The following HPCAL1 variants were observed in gnomAD, a reference collection of about 807,000 sequenced individuals.
The protein encoded by HPCAL1 is hippocalcin like 1, also known as hippocalcin-like protein 1.
Under a neutral mutation model 17.1 loss-of-function variants are expected in HPCAL1, and 8 were observed. That is an observed-to-expected ratio of 0.47 (90% CI 0.27 to 0.84). HPCAL1 has a LOEUF of 0.84. HPCAL1 is among the 40% of genes least tolerant of loss of function. The probability of loss-of-function intolerance (pLI) is 0.13; values close to 1 mark genes in which losing one functional copy is unlikely to be tolerated. For missense variants in HPCAL1, 165 were observed against 271.1 expected (o/e 0.61, Z 2.75); for synonymous variants, 112 against 111.4 (o/e 1.01, Z -0.03).
intron 1 of HPCAL1, among the ~76,000 whole-genome samples, chr2:10,366,383 C>T (rs1490469441): frequency 1.3e-5 from 2 of 152,022 alleles, no homozygotes; most frequent in Non-Finnish European, 2.9e-5. Context: ...CTACAGGCAC[C>T]CGCCACCACA....
chr2:10,337,588 C>T (rs987838184), intron 1 of HPCAL1, among the ~76,000 whole-genome samples: 5 of 152,176 alleles, frequency 3.3e-5, no homozygotes, highest in African/African-American at 7.2e-5. Context: ...CTTCTCCACT[C>T]CTCCACTGAC....
intron 1 of HPCAL1, among the ~76,000 whole-genome samples, chr2:10,380,473 C>G (rs2125536525): frequency 6.6e-6 from 1 of 152,304 alleles, no homozygotes; most frequent in South Asian, 2.1e-4. Flanking sequence ...GGGCCAAAGG[C>G]CTCCCCAGCT....
chr2:10,383,785 A>T (rs1311083620), intron 1 of HPCAL1, among the ~76,000 whole-genome samples: 1 of 152,116 alleles, frequency 6.6e-6, no homozygotes, highest in African/African-American at 2.4e-5. Context: ...TTGGAGAAGC[A>T]TAATTCTTTG....
At chr2:10,326,079 C>G (rs1384295878) in intron 1 of HPCAL1, among the ~76,000 whole-genome samples, 1 of 152,228 alleles carries the variant, frequency 6.6e-6, no homozygotes, top group African/African-American at 2.4e-5. Context: ...GTTCGTCAGG[C>G]CTGTCCGTCA....
chr2:10,394,235 C>A lies in HPCAL1; in HGVS notation c.-110-2600C>A, dbSNP rs190787313. ...CACACCCCATTTAGCCGAGTGTCAC[C>A]TGAGCTGGTGTCCCGGAGTCTCTTT... On this transcript the variant is annotated intron_variant, in intron 1 of 4. Coordinates refer to ENST00000307845, the MANE Select transcript of HPCAL1 (RefSeq NM_002149.4). This position sits in a 1 kb window ranked among gnomAD's most constrained non-coding sequence, Gnocchi z 5.0. 1.3e-5 allele frequency among the ~76,000 whole-genome samples: 2 copies of A among 152,150 alleles called. No homozygotes were observed. Among genetic ancestry groups the A allele is most frequent in the Non-Finnish European group, 2.9e-5 (2 of 68,034 alleles).
At chr2:10,423,378 A>G (rs764583071) in intron 4 of HPCAL1, 59 of 350,502 alleles carry the variant, frequency 1.7e-4, no homozygotes, top group Non-Finnish European at 2.8e-4. Flanking sequence ...CGTGGGTACA[A>G]TGTTTAGGGG....
intron 1 of HPCAL1, among the ~76,000 whole-genome samples, chr2:10,388,589 A>T (rs187382383): frequency 3.9e-5 from 6 of 152,086 alleles, no homozygotes; most frequent in Admixed American, 3.9e-4. Flanking sequence ...AGGTCCAGGG[A>T]CTCCTGCGAT....
intron 1 of HPCAL1, among the ~76,000 whole-genome samples, chr2:10,378,391 T>C (rs1427377749): frequency 6.6e-6 from 1 of 152,104 alleles, no homozygotes; most frequent in East Asian, 1.9e-4. Flanking sequence ...AGCTCTCACC[T>C]GCTGCCATAA....
chr2:10,304,360 C>A lies in HPCAL1; in HGVS notation c.-111+1183C>A, dbSNP rs1333303129. Among the ~76,000 whole-genome samples, 8 of 152,342 alleles carry A rather than the reference C, an allele frequency of 5.3e-5. No individual in the cohort carries two copies. The South Asian group carries it at 1.7e-3, about 32-fold the overall frequency. ...TGGCGCTTCCCGCACATGCAGATCT[C>A]GGGCTCCCGGGGTGTCCCGGCCGCC... On this transcript the variant is annotated intron_variant, in intron 1 of 4. Coordinates refer to ENST00000307845, the MANE Select transcript of HPCAL1 (RefSeq NM_002149.4). This position sits in a 1 kb window ranked among gnomAD's most constrained non-coding sequence, Gnocchi z 4.1.
At chr2:10,315,098 T>C (rs1437350700) in intron 1 of HPCAL1, among the ~76,000 whole-genome samples, 2 of 152,086 alleles carry the variant, frequency 1.3e-5, no homozygotes, top group African/African-American at 2.4e-5. Flanking sequence ...GAGACCATCC[T>C]GGCCAACACG....
At chr2:10,418,573 A>ACAAACACAGAGTTCAAAGTGGTTGC (rs1670829886) in intron 2 of HPCAL1, among the ~76,000 whole-genome samples, 1 of 152,100 alleles carries the variant, frequency 6.6e-6, no homozygotes, top group Non-Finnish European at 1.5e-5. Flanking sequence ...TTTAGAATTC[A>ACAAACACAGAGTTCAAAGTGGTTGC]CAAACACAGA....
Position 10,315,118 on chromosome 2 carries a change from C to T in HPCAL1, c.-111+11941C>T, listed in dbSNP as rs1016393941. On this transcript the variant is annotated intron_variant, in intron 1 of 4. Coordinates refer to ENST00000307845, the MANE Select transcript of HPCAL1 (RefSeq NM_002149.4). Reference sequence around the variant, plus strand: ...CATCCTGGCCAACACGGTGAAACCCCGTCTCTACTAAAAATACAAAAAAAA... The same window carrying T: ...CATCCTGGCCAACACGGTGAAACCCTGTCTCTACTAAAAATACAAAAAAAA... Among the ~76,000 whole-genome samples, 26 of 152,038 alleles carry T rather than the reference C, an allele frequency of 1.7e-4. No homozygotes were observed. In the East Asian group the frequency reaches 4.8e-3, roughly 28 times the overall value.
chr2:10,405,789 C>T (rs1669931428), intron 2 of HPCAL1, among the ~76,000 whole-genome samples: 2 of 152,190 alleles, frequency 1.3e-5, no homozygotes, highest in Non-Finnish European at 2.9e-5. Context: ...GCTGACTGCA[C>T]GAGGGGCCAC....
At chr2:10,324,281 A>G (rs1663850508) in intron 1 of HPCAL1, 2 of 152,230 alleles carry the variant, frequency 1.3e-5, no homozygotes, top group East Asian at 1.9e-4. Context: ...CAACAGCTCT[A>G]TTGTGTAAGT....
At chr2:10,371,653 T>A (rs1288661451) in intron 1 of HPCAL1, among the ~76,000 whole-genome samples, 2 of 152,158 alleles carry the variant, frequency 1.3e-5, no homozygotes, top group Non-Finnish European at 2.9e-5. Flanking sequence ...CCCCTTGCCT[T>A]CCATTCCAAA....
chr2:10,417,910 T>C (rs1169092567), intron 2 of HPCAL1, among the ~76,000 whole-genome samples: 1 of 149,040 alleles, frequency 6.7e-6, no homozygotes, highest in Non-Finnish European at 1.5e-5. Context: ...GGTGTGGTGG[T>C]GTGTGCCCAT....
intron 2 of HPCAL1, among the ~76,000 whole-genome samples, chr2:10,411,451 G>A (rs1402133426): frequency 6.6e-6 from 1 of 152,156 alleles, no homozygotes; most frequent in Non-Finnish European, 1.5e-5. Flanking sequence ...CCCTGGATGT[G>A]GCCTACAGGG....
intron 2 of HPCAL1, among the ~76,000 whole-genome samples, chr2:10,417,339 G>A (rs957103085): frequency 6.6e-5 from 10 of 151,388 alleles, no homozygotes; most frequent in African/African-American, 2.2e-4. Flanking sequence ...CTCCAACCTG[G>A]GTGACAAGAG....
rs373177078 is a variant in HPCAL1, at chr2:10,356,135, A to T, written c.-110-40700A>T. Among the ~76,000 whole-genome samples the T allele has an allele frequency of 5.9e-5, 9 of 152,308 alleles. 1 individual carries two copies. The South Asian group carries it at 6.2e-4, about 11-fold the overall frequency. Reference sequence around the variant, plus strand: ...TCTTCTGAGTCCAGCAACAACCTTAAGAGGCAGGTGTTACCTCTGGTTTCT... The same window carrying T: ...TCTTCTGAGTCCAGCAACAACCTTATGAGGCAGGTGTTACCTCTGGTTTCT... On this transcript the variant is annotated intron_variant, in intron 1 of 4. Transcript: ENST00000307845.
Sources: gnomAD v4.1 joint callset for allele counts (sites outside exome capture counted in the v4.1 genomes callset) on GRCh38, gnomAD v4.1.1 for gene constraint, Gnocchi (gnomAD v3.1) non-coding constraint, MANE v1.5 for transcripts, NCBI Gene and HGNC (gene_info 2026-07-23, HGNC 2026-07-21) for gene names.